The following PDGFC variants were observed in gnomAD, a reference collection of about 807,000 sequenced individuals.
PDGFC encodes the protein platelet-derived growth factor C.
A neutral mutation model predicts 35.5 loss-of-function variants in PDGFC; 12 were observed. That is an observed-to-expected ratio of 0.34 (90% CI 0.22 to 0.55). PDGFC has a LOEUF of 0.55. Ranked by LOEUF, PDGFC falls within the 20% of genes least tolerant of loss-of-function variation. The pLI is 0.91. For missense variants in PDGFC, 322 were observed against 412.4 expected (o/e 0.78, Z 1.90); for synonymous variants, 159 against 148.8 (o/e 1.07, Z -0.50).
At chr4:156,770,250 T>C (rs1310082421) in intron 4 of PDGFC, 2 of 151,990 alleles carry the variant, frequency 1.3e-5, no homozygotes, top group Admixed American at 1.3e-4. Context: ...TATTTTTTTG[T>C]AGCAGTAGCA....
At chr4:156,872,680 A>G (rs909287123) in intron 1 of PDGFC, among the ~76,000 whole-genome samples, 2 of 152,256 alleles carry the variant, frequency 1.3e-5, no homozygotes, top group African/African-American at 4.8e-5. Flanking sequence ...ATATTCCAAC[A>G]TTCCATGCTA....
intron 1 of PDGFC, among the ~76,000 whole-genome samples, chr4:156,903,104 AGTGTGTGT>A (rs10684023): frequency 3.1e-5 from 4 of 130,678 alleles, no homozygotes; most frequent in Non-Finnish European, 6.6e-5. Flanking sequence ...AGAGAGAGAG[AGTGTGTGT>A]GTGTGTGTGT....
intron 2 of PDGFC, among the ~76,000 whole-genome samples, chr4:156,815,529 A>C (rs1327716619): frequency 6.6e-6 from 1 of 152,282 alleles, no homozygotes; most frequent in South Asian, 2.1e-4. Flanking sequence ...ATTCACAGCA[A>C]AGGTTGGTTG....
At chr4:156,913,964 AT>A (rs752542895) in intron 1 of PDGFC, among the ~76,000 whole-genome samples, 5 of 152,304 alleles carry the variant, frequency 3.3e-5, no homozygotes, top group Admixed American at 6.5e-5. Context: ...GTACTGAGTC[AT>A]CCCCTTCTAG....
intron 1 of PDGFC, among the ~76,000 whole-genome samples, chr4:156,954,761 C>T (rs891080570): frequency 1.3e-5 from 2 of 151,856 alleles, no homozygotes; most frequent in African/African-American, 4.8e-5. Context: ...CCTTGTAGTT[C>T]CTTAAAATGA....
intron 3 of PDGFC, among the ~76,000 whole-genome samples, chr4:156,804,647 T>A (rs1255898963): frequency 1.3e-5 from 2 of 152,010 alleles, no homozygotes; most frequent in Admixed American, 6.6e-5. Flanking sequence ...AAGGGAGATA[T>A]TATATACATC....
rs115196980 is a variant in PDGFC, at chr4:156,941,502, G to A, written c.118+29284C>T. On this transcript the variant is annotated intron_variant, in intron 1 of 5. Transcript: ENST00000502773. ...AATACTGTGCTGAGAGAAACAAGGT[G>A]GTTTATCATTAGCTTTATCATTTTC... is the stretch of plus-strand genomic sequence containing the variant. Among the ~76,000 whole-genome samples, 1,257 of 152,030 alleles carry A rather than the reference G, an allele frequency of 8.3e-3. 14 individuals carry two copies. The highest frequency in any genetic ancestry group is 0.028 in the African/African-American group (1,143 of 41,468).
Position 156,808,887 on chromosome 4 carries a change from A to T in PDGFC, c.495+1950T>A, listed in dbSNP as rs182497635. On this transcript the variant is annotated intron_variant, in intron 3 of 5. Transcript: ENST00000502773. ...AATGGCAGGTTAATTGTCAACGTAAATTTAAACACAGAAAAAACAAAGCTT... is the reference window on the plus strand; with the variant it reads ...AATGGCAGGTTAATTGTCAACGTAATTTTAAACACAGAAAAAACAAAGCTT... 8.7e-3 allele frequency among the ~76,000 whole-genome samples: 1,327 copies of T among 152,132 alleles called. 12 individuals carry two copies. Among genetic ancestry groups the T allele is most frequent in the Non-Finnish European group, 0.014 (967 of 67,964 alleles).
At chr4:156,834,775 C>A (rs991523347) in intron 2 of PDGFC, among the ~76,000 whole-genome samples, 4 of 152,050 alleles carry the variant, frequency 2.6e-5, no homozygotes, top group Admixed American at 6.5e-5. Context: ...AATCTCTGGG[C>A]ACTGAAGTTT....
chr4:156,962,564 G>A (rs893759336), intron 1 of PDGFC, among the ~76,000 whole-genome samples: 12 of 152,092 alleles, frequency 7.9e-5, no homozygotes, highest in African/African-American at 1.4e-4. Context: ...CTGCATATGC[G>A]GCACCTAGGG....
chr4:156,772,938 A>G lies in PDGFC; in HGVS notation c.496-45T>C, dbSNP rs534366412. On this transcript the variant is annotated intron_variant, in intron 3 of 5. Transcript: ENST00000502773. ...TGTGTTAACTGTTTTAAAAACGACA[A>G]TGTATTCCTTCTGGACATATGCAAG... The G allele has an allele frequency of 3.1e-4, 399 of 1,294,396 alleles. 3 individuals carry two copies. The South Asian group carries it at 4.2e-3, about 14-fold the overall frequency. The allele number at this position is 1,294,396 out of a possible 1,614,324, so 80.2% of individuals were successfully genotyped here.
At chr4:156,888,590 T>G (rs565774993) in intron 1 of PDGFC, among the ~76,000 whole-genome samples, 3 of 152,318 alleles carry the variant, frequency 2.0e-5, no homozygotes, top group South Asian at 2.1e-4. Flanking sequence ...GTCAACTAAC[T>G]GTGTTACTGG....
rs552287563 is a variant in PDGFC at position 156,779,860 on chromosome 4, A to G, written c.496-6967T>C. The stretch of plus-strand genomic sequence containing the variant: ...CTAAAGCACTGGTGGTCTACAAACT[A>G]AAGAAAAAAATTCACCCTAGTGCAA... On this transcript the variant is annotated intron_variant, in intron 3 of 5. Coordinates refer to ENST00000502773, the MANE Select transcript of PDGFC (RefSeq NM_016205.3). 1.1e-4 allele frequency among the ~76,000 whole-genome samples: 17 copies of G among 152,272 alleles called. No homozygotes were observed. In the East Asian group the frequency reaches 3.1e-3, roughly 28 times the overall value.
chr4:156,849,247 A>G (rs1729395514), intron 2 of PDGFC, among the ~76,000 whole-genome samples: 1 of 152,066 alleles, frequency 6.6e-6, no homozygotes, highest in Non-Finnish European at 1.5e-5. Context: ...GTCTAAAATT[A>G]TAGATGTAAG....
intron 1 of PDGFC, among the ~76,000 whole-genome samples, chr4:156,918,435 G>T (rs972717114): frequency 2.0e-5 from 3 of 152,176 alleles, no homozygotes; most frequent in South Asian, 4.1e-4. Flanking sequence ...AGCCATAGAC[G>T]ATGTCCCTTA....
chr4:156,857,254 T>C (rs1410175090), intron 1 of PDGFC, among the ~76,000 whole-genome samples: 2 of 152,070 alleles, frequency 1.3e-5, no homozygotes, highest in Non-Finnish European at 2.9e-5. Context: ...ATACTAGGTT[T>C]CCTGATGTCA....
intron 1 of PDGFC, among the ~76,000 whole-genome samples, chr4:156,894,704 G>A (rs1395437393): frequency 6.6e-6 from 1 of 152,064 alleles, no homozygotes; most frequent in East Asian, 1.9e-4. Flanking sequence ...GGATTCCACT[G>A]CATAGGAAAT....
rs180943807 is a variant in PDGFC, at chr4:156,893,636, C to A, written c.119-43220G>T. Among the ~76,000 whole-genome samples the A allele has an allele frequency of 2.2e-3, 339 of 151,432 alleles. 1 individual carries two copies. The highest frequency in any genetic ancestry group is 7.9e-3 in the African/African-American group (326 of 41,234). On this transcript the variant is annotated intron_variant, in intron 1 of 5. Coordinates refer to ENST00000502773, the MANE Select transcript of PDGFC (RefSeq NM_016205.3). The stretch of plus-strand genomic sequence containing the variant: ...TACAGGCAAGAACCACCATACCCAG[C>A]CTAAACGTATTTTTGAAATCACTCA...
intron 1 of PDGFC, among the ~76,000 whole-genome samples, chr4:156,938,254 T>C (rs1415911807): frequency 1.3e-5 from 2 of 152,100 alleles, no homozygotes; most frequent in East Asian, 3.9e-4. Flanking sequence ...AAAAGGTATG[T>C]AGATACCAAG....
Sources: allele counts gnomAD v4.1 joint callset (sites outside exome capture counted in the v4.1 genomes callset), GRCh38; gene constraint gnomAD v4.1.1; transcripts MANE v1.5; gene names NCBI Gene and HGNC (gene_info 2026-07-23, HGNC 2026-07-21).